RGS13: variants seen among roughly 807,000 people sequenced by gnomAD.
The protein encoded by RGS13 is regulator of G-protein signalling 13.
Under a neutral mutation model 19.9 loss-of-function variants are expected in RGS13, and 14 were observed. That is an observed-to-expected ratio of 0.70 (90% CI 0.46 to 1.10). RGS13 has a LOEUF of 1.10. Among genes scored for constraint, RGS13 ranks in the 50% least tolerant of loss-of-function variants. RGS13 has a pLI of 0.00. For synonymous variants in RGS13, 60 were observed against 56.8 expected (o/e 1.06, Z -0.25); for missense variants, 205 against 187.1 (o/e 1.10, Z -0.56).
At chr1:192,651,379 A>T (rs577613444) in intron 5 of RGS13, among the ~76,000 whole-genome samples, 2 of 152,134 alleles carry the variant, frequency 1.3e-5, no homozygotes, top group Non-Finnish European at 2.9e-5. Context: ...AATCACTGAC[A>T]TAAGTTTTGC....
chr1:192,656,458 C>T (rs182355234), intron 5 of RGS13, among the ~76,000 whole-genome samples: 4 of 151,978 alleles, frequency 2.6e-5, no homozygotes, highest in Admixed American at 2.6e-4. Flanking sequence ...CTGTTCCAAC[C>T]TTTCTGTGCC....
chr1:192,641,459 G>C (rs1663121367), intron 3 of RGS13, among the ~76,000 whole-genome samples: 1 of 151,944 alleles, frequency 6.6e-6, no homozygotes, highest in African/African-American at 2.4e-5. Context: ...CATTTGTCCT[G>C]GGCCTCATTT....
intron 5 of RGS13, among the ~76,000 whole-genome samples, chr1:192,653,904 A>G (rs1302847138): frequency 6.6e-6 from 1 of 151,812 alleles, no homozygotes; most frequent in Non-Finnish European, 1.5e-5. Flanking sequence ...TTGAACAACG[A>G]GAACAGTTGG....
chr1:192,639,118 T>C (rs1663061640), intron 3 of RGS13, among the ~76,000 whole-genome samples: 1 of 151,972 alleles, frequency 6.6e-6, no homozygotes, highest in South Asian at 2.1e-4. Context: ...GTACACAGAG[T>C]CTTTGCTGGA....
chr1:192,644,566 C>G (rs1351093622), intron 4 of RGS13, 167 bp downstream of exon 4: 20 of 554,874 alleles, frequency 3.6e-5, no homozygotes, highest in Admixed American at 6.5e-5. Flanking sequence ...TACTAAGATT[C>G]TTGTTTTCAT....
At position 192,659,522 on chromosome 1, in the gene RGS13, G is replaced by A; in HGVS notation, c.479G>A (p.Ter160=). 3 of 1,601,780 alleles carry A rather than the reference G, an allele frequency of 1.9e-6. No homozygotes were observed. In the African/African-American group the frequency reaches 4.0e-5, roughly 22 times the overall value. ...ACTATGCAGTCCAACAACAGTTTCT[G>A]ACTACAACTCAAAAGTTTAAATAGA... is the stretch of plus-strand genomic sequence containing the variant. ...LKTMQSNNSF[*] is the part of the protein sequence containing the mutation. Residue 160 remains the stop codon, a stop_retained_variant, in exon 7 of 7, where the codon TGA becomes TAA. Transcript: ENST00000391995.
Position 192,637,639 on chromosome 1 carries a change from A to G in RGS13, c.-66A>G, listed in dbSNP as rs1226526169. The G allele has an allele frequency of 6.6e-6, 1 of 152,022 alleles. No homozygotes were observed. The highest frequency in any genetic ancestry group is 1.5e-5 in the Non-Finnish European group (1 of 67,938). The allele number at this position is 152,022 out of a possible 1,614,324, so 9.4% of individuals were successfully genotyped here. ...ATACCACCAACATGAGAAAAAAATG[A>G]TCATTGTTTATTTGAAGCTTGGTGA... On this transcript the variant is annotated 5_prime_UTR_variant, in exon 2 of 7. The change abolishes the stop of an existing upstream ORF in the 5' untranslated region. Coordinates refer to ENST00000391995, the MANE Select transcript of RGS13 (RefSeq NM_002927.5).
chr1:192,659,625 C>A lies in RGS13; in HGVS notation c.*102C>A. ...AATCAGAAACACAGTACAAATAAAA[C>A]AGAAATCAAACTATAAGTTGACTTT... On this transcript the variant is annotated 3_prime_UTR_variant, in exon 7 of 7. Coordinates refer to ENST00000391995, the MANE Select transcript of RGS13 (RefSeq NM_002927.5). The A allele has an allele frequency of 5.0e-6, 4 of 798,706 alleles. No individual in the cohort carries two copies. The highest frequency in any genetic ancestry group is 3.7e-5 in the South Asian group (2 of 54,672). 49.5% of individuals were successfully genotyped at this position (798,706 alleles called of 1,614,324 possible). A position where few individuals can be genotyped will look rare whatever the true frequency, so the allele number is the denominator to read the frequency against.
chr1:192,656,375 GT>G (rs1225628828), intron 5 of RGS13, among the ~76,000 whole-genome samples: 2 of 149,318 alleles, frequency 1.3e-5, no homozygotes, highest in Non-Finnish European at 3.0e-5. Context: ...TCATTTGTTT[GT>G]TTGTTTTTTG....
chr1:192,638,722 T>C (rs1190284114), intron 3 of RGS13, among the ~76,000 whole-genome samples: 1 of 152,114 alleles, frequency 6.6e-6, no homozygotes, highest in African/African-American at 2.4e-5. Context: ...ATTTATTCTA[T>C]GCATAACAAC....
chr1:192,638,577 C>T (rs1310966221), intron 3 of RGS13, among the ~76,000 whole-genome samples: 1 of 151,996 alleles, frequency 6.6e-6, no homozygotes, highest in Non-Finnish European at 1.5e-5. Context: ...GACTTTCAGT[C>T]CCAGAAATCT....
At chr1:192,648,122 A>AT (rs1663253779) in intron 5 of RGS13, 135 bp downstream of exon 5, 4 of 505,484 alleles carry the variant, frequency 7.9e-6, no homozygotes. Context: ...AGTTAAAAAA[A>AT]GAAAACCTGA....
chr1:192,637,448 T>C (rs561127008), intron 1 of RGS13, 142 bp from the exon 2 acceptor site: 31 of 152,114 alleles, frequency 2.0e-4, no homozygotes, highest in African/African-American at 7.5e-4. Flanking sequence ...GGAATAACCA[T>C]AATCCAGCAT....
chr1:192,657,231 T>C (rs559253804), intron 5 of RGS13, among the ~76,000 whole-genome samples: 80 of 152,248 alleles, frequency 5.3e-4, no homozygotes, highest in Non-Finnish European at 6.8e-4. Flanking sequence ...AATTGAAAGT[T>C]ACATTGTTGT....
chr1:192,649,167 A>G (rs1051164413), intron 5 of RGS13, among the ~76,000 whole-genome samples: 3 of 152,128 alleles, frequency 2.0e-5, no homozygotes, highest in African/African-American at 4.8e-5. Context: ...CTTTGATGCA[A>G]TCGCCACTGG....
intron 5 of RGS13, among the ~76,000 whole-genome samples, chr1:192,654,445 G>A (rs1663399614): frequency 6.6e-6 from 1 of 151,798 alleles, no homozygotes; most frequent in African/African-American, 2.4e-5. Flanking sequence ...AACAAAGGTA[G>A]AAGAAAAATC....
At chr1:192,655,596 T>G (rs1324952841) in intron 5 of RGS13, among the ~76,000 whole-genome samples, 1 of 152,038 alleles carries the variant, frequency 6.6e-6, no homozygotes, top group Non-Finnish European at 1.5e-5. Context: ...TAACACAAGT[T>G]CAATGGCCAA....
chr1:192,643,416 T>C (rs1663159818), intron 3 of RGS13, among the ~76,000 whole-genome samples: 1 of 151,872 alleles, frequency 6.6e-6, no homozygotes, highest in Non-Finnish European at 1.5e-5. Context: ...GTTGTTTTTT[T>C]AAAGTCCTGA....
At position 192,647,993 on chromosome 1, in the gene RGS13, T is replaced by C. The variant is rs1405573944; in HGVS notation, c.127+6T>C. On this transcript the variant is annotated splice_donor_region_variant and intron_variant, in intron 5 of 6. Coordinates refer to ENST00000391995, the MANE Select transcript of RGS13 (RefSeq NM_002927.5). ...AAATTTAATGGCTACAAAATGTGAG[T>C]ATTGCGTATCTGTCATCTTTGAATA... 2 of 1,578,634 alleles carry C rather than the reference T, an allele frequency of 1.3e-6. No individual in the cohort carries two copies. The highest frequency in any genetic ancestry group is 1.7e-6 in the Non-Finnish European group (2 of 1,155,744).
Sources: gnomAD v4.1 joint callset for allele counts (sites outside exome capture counted in the v4.1 genomes callset) on GRCh38, gnomAD v4.1.1 for gene constraint, MANE v1.5 for transcripts, NCBI Gene and HGNC (gene_info 2026-07-23, HGNC 2026-07-21) for gene names.